Variants in SVEP1 observed in about 807,000 individuals in gnomAD.
The protein encoded by SVEP1 is sushi, von Willebrand factor type A, EGF and pentraxin domain-containing protein 1.
In SVEP1, 164 loss-of-function variants were observed where a neutral mutation model predicts 367.3. The observed-to-expected ratio is 0.45, with a 90% CI of 0.39 to 0.51. The LOEUF is 0.51. Ranked by LOEUF, SVEP1 falls within the 20% of genes least tolerant of loss-of-function variation. The pLI, the probability that SVEP1 is intolerant of heterozygous loss-of-function variation, is 0.00. For missense variants in SVEP1, 4,117 were observed against 4,425.3 expected (o/e 0.93, Z 1.98); for synonymous variants, 1,666 against 1,611.6 (o/e 1.03, Z -0.81).
At chr9:110,522,981 T>C (rs1829895181) in intron 3 of SVEP1, among the ~76,000 whole-genome samples, 1 of 152,150 alleles carries the variant, frequency 6.6e-6, no homozygotes, top group South Asian at 2.1e-4. Flanking sequence ...TAGCCACAGG[T>C]GCCAAATTAA....
chr9:110,501,262 G>A (rs569459445), intron 6 of SVEP1, among the ~76,000 whole-genome samples: 37 of 149,248 alleles, frequency 2.5e-4, no homozygotes, highest in African/African-American at 5.4e-4. Context: ...TTCATCTCTC[G>A]GTAACATTTT....
chr9:110,481,671 A>T (rs1449498172), intron 11 of SVEP1, among the ~76,000 whole-genome samples: 2 of 151,972 alleles, frequency 1.3e-5, no homozygotes, highest in Non-Finnish European at 2.9e-5. Flanking sequence ...ATATTTTTAT[A>T]AAAAAGTTAA....
At chr9:110,415,311 G>A (rs1186244803) in intron 36 of SVEP1, among the ~76,000 whole-genome samples, 1 of 151,996 alleles carries the variant, frequency 6.6e-6, no homozygotes, top group African/African-American at 2.4e-5. Flanking sequence ...ACCAGTATAG[G>A]AGGAAAACTC....
intron 7 of SVEP1, among the ~76,000 whole-genome samples, chr9:110,498,316 G>A (rs12349788): frequency 0.024 from 3,660 of 152,208 alleles, 140 homozygotes; most frequent in African/African-American, 0.08. Flanking sequence ...TCTTCTCTTG[G>A]TAGAGAAATT....
intron 1 of SVEP1, among the ~76,000 whole-genome samples, chr9:110,570,956 C>T (rs548061287): frequency 2.0e-5 from 3 of 147,256 alleles, no homozygotes; most frequent in African/African-American, 7.5e-5. Flanking sequence ...GACATATACT[C>T]TTCCAGATGG....
At chr9:110,461,757 T>A (rs1381798191) in intron 18 of SVEP1, among the ~76,000 whole-genome samples, 5 of 152,180 alleles carry the variant, frequency 3.3e-5, no homozygotes, top group Non-Finnish European at 5.9e-5. Context: ...ATATCATAGA[T>A]TTTTATGCAA....
At chr9:110,437,130 C>T (rs1402853335) in intron 27 of SVEP1, among the ~76,000 whole-genome samples, 3 of 152,274 alleles carry the variant, frequency 2.0e-5, no homozygotes, top group East Asian at 1.9e-4. Flanking sequence ...GCTGCATCAC[C>T]CAGCTTCCTT....
chr9:110,443,361 A>C (rs1828542141), intron 27 of SVEP1, 184 bp downstream of exon 27: 1 of 487,996 alleles, frequency 2.0e-6, no homozygotes, highest in Non-Finnish European at 3.4e-6. Flanking sequence ...AGAGGCAAAC[A>C]GCTTACTTAG....
At chr9:110,512,628 CT>C (rs1421623227) in intron 5 of SVEP1, among the ~76,000 whole-genome samples, 1 of 152,128 alleles carries the variant, frequency 6.6e-6, no homozygotes, top group Non-Finnish European at 1.5e-5. Context: ...CTAAACTCTC[CT>C]TTATATCATG....
intron 46 of SVEP1, among the ~76,000 whole-genome samples, chr9:110,374,755 G>GA (rs1389208019): frequency 6.6e-6 from 1 of 152,134 alleles, no homozygotes; most frequent in Non-Finnish European, 1.5e-5. Flanking sequence ...AACCATTGAG[G>GA]AAAGCAGTAC....
chr9:110,551,935 T>C (rs1217913277), intron 1 of SVEP1, among the ~76,000 whole-genome samples: 1 of 152,068 alleles, frequency 6.6e-6, no homozygotes, highest in African/African-American at 2.4e-5. Context: ...CCAGGTCCTC[T>C]TTCCATCTGG....
chr9:110,372,487 ATTC>A (rs1827293050), intron 46 of SVEP1, among the ~76,000 whole-genome samples: 1 of 152,228 alleles, frequency 6.6e-6, no homozygotes, highest in African/African-American at 2.4e-5. Context: ...TTAGGAGCAT[ATTC>A]TTATTAGAGA....
At chr9:110,557,339 T>C (rs987048397) in intron 1 of SVEP1, among the ~76,000 whole-genome samples, 1 of 152,224 alleles carries the variant, frequency 6.6e-6, no homozygotes, top group Non-Finnish European at 1.5e-5. Context: ...TTCTGTCTTT[T>C]ATACAGTTCT....
chr9:110,389,420 C>T, intron 41 of SVEP1, 104 bp downstream of exon 41: 3 of 1,399,830 alleles, frequency 2.1e-6, no homozygotes, highest in Non-Finnish European at 3.0e-6. Flanking sequence ...ATGGAGTTGG[C>T]TTACATTTTA....
In SVEP1 at chr9:110,560,737, G is replaced by A. The variant is rs74794253; in HGVS notation, c.532-10633C>T. Among the ~76,000 whole-genome samples, 938 of 152,144 alleles carry A rather than the reference G, an allele frequency of 6.2e-3. 3 individuals carry two copies. The highest frequency in any genetic ancestry group is 9.4e-3 in the Non-Finnish European group (638 of 68,008). ...AGTCTGAAATCTGGGAGTAATCTAT[G>A]GTGCCTTCTTTCTGACCTATCACAT... On this transcript the variant is annotated intron_variant, in intron 1 of 47. Transcript: ENST00000374469.
intron 33 of SVEP1, 72 bp downstream of exon 33, chr9:110,430,202 A>C: frequency 6.8e-7 from 1 of 1,464,388 alleles, no homozygotes; most frequent in East Asian, 2.4e-5. Context: ...ACAACATAAC[A>C]CTTCATATGT....
At chr9:110,372,722 A>T (rs1238697181) in intron 46 of SVEP1, among the ~76,000 whole-genome samples, 1 of 151,418 alleles carries the variant, frequency 6.6e-6, no homozygotes, top group Admixed American at 6.6e-5. Flanking sequence ...AAATGTAAGG[A>T]GATTGGGGAG....
intron 43 of SVEP1, among the ~76,000 whole-genome samples, chr9:110,380,075 T>C (rs960359394): frequency 1.3e-5 from 2 of 152,246 alleles, no homozygotes; most frequent in Non-Finnish European, 2.9e-5. Context: ...CAAGGTTTCA[T>C]GTTAGTTTTC....
intron 44 of SVEP1, among the ~76,000 whole-genome samples, chr9:110,378,275 A>G (rs1827383155): frequency 6.6e-6 from 1 of 152,180 alleles, no homozygotes; most frequent in Admixed American, 6.5e-5. Context: ...GTCCCCCCTC[A>G]AAAGGCTCTA....
Sources: gnomAD v4.1 joint callset for allele counts (sites outside exome capture counted in the v4.1 genomes callset) on GRCh38, gnomAD v4.1.1 for gene constraint, MANE v1.5 for transcripts, NCBI Gene and HGNC (gene_info 2026-07-23, HGNC 2026-07-21) for gene names.